Variants in TRIM61 observed in about 807,000 individuals in gnomAD.
The protein encoded by TRIM61 is tripartite motif containing 61.
In TRIM61, 1 loss-of-function variant was observed where a neutral mutation model predicts 14.2. That is an observed-to-expected ratio of 0.07 (90% CI 0.03 to 0.33). The LOEUF is 0.33. Among genes scored for constraint, TRIM61 ranks in the 10% least tolerant of loss-of-function variants. The pLI is 0.99. For missense variants in TRIM61, 19 were observed against 202.2 expected, an observed-to-expected ratio of 0.09 and a Z score of 5.49; for synonymous variants, 8 against 71.6, an observed-to-expected ratio of 0.11 and a Z score of 4.49.
chr4:164,975,784 T>C lies in TRIM61; in HGVS notation c.-338+904A>G, dbSNP rs185023259. Among the ~76,000 whole-genome samples, 632 of 116,498 alleles carry C rather than the reference T, an allele frequency of 5.4e-3. 6 individuals carry two copies. Among genetic ancestry groups the C allele is most frequent in the African/African-American group, 0.017 (601 of 34,924 alleles). 76.4% of individuals were successfully genotyped at this position (116,498 alleles called of 152,430 possible). On this transcript the variant is annotated intron_variant, in intron 2 of 4. Coordinates refer to ENST00000329314, the MANE Select transcript of TRIM61 (RefSeq NM_001012414.3). ...CCTCGTGGGATGAGAAAGACCTGAC[T>C]GTCCCCAGCCTGACACCCGTAAAGG...
At chr4:164,962,127 TGAAGGAGGATAA>T (rs921121295) in intron 3 of TRIM61, among the ~76,000 whole-genome samples, 11 of 152,012 alleles carry the variant, frequency 7.2e-5, no homozygotes, top group Admixed American at 2.6e-4. Flanking sequence ...TTGCAGTGCA[TGAAGGAGGATAA>T]GAAGGAGGAT....
intron 3 of TRIM61, among the ~76,000 whole-genome samples, chr4:164,961,076 A>G (rs1732121883): frequency 6.7e-6 from 1 of 149,756 alleles, no homozygotes; most frequent in Admixed American, 6.7e-5. Flanking sequence ...ACAATGTAAG[A>G]GGACAATAAA....
At chr4:164,961,202 A>C (rs1732130809) in intron 3 of TRIM61, among the ~76,000 whole-genome samples, 1 of 138,638 alleles carries the variant, frequency 7.2e-6, no homozygotes. Flanking sequence ...AAGAAAGAAA[A>C]ATAACAATAA....
At position 164,970,963 on chromosome 4, in the gene TRIM61, T is replaced by A. The variant is rs917285425; in HGVS notation, c.-337-624A>T. Among the ~76,000 whole-genome samples the A allele has an allele frequency of 6.6e-5, 10 of 152,246 alleles. 1 individual carries two copies. Among genetic ancestry groups the A allele is most frequent in the South Asian group, 2.1e-4 (1 of 4,822 alleles). ...AAAGATACAAAAAATTAGCTGGGCA[T>A]GGTGGCATGTGCCTGTAATCCCAGC... On this transcript the variant is annotated intron_variant, in intron 2 of 4. Coordinates refer to ENST00000329314, the MANE Select transcript of TRIM61 (RefSeq NM_001012414.3).
intron 3 of TRIM61, among the ~76,000 whole-genome samples, chr4:164,955,766 GACAC>G (rs1363362563): frequency 6.6e-6 from 1 of 152,002 alleles, no homozygotes; most frequent in Admixed American, 6.5e-5. Context: ...CCACACACAA[GACAC>G]ACACACCCAG....
At chr4:164,961,164 A>AAAAAAAAAAAAAAAAAAAAAG in intron 3 of TRIM61, among the ~76,000 whole-genome samples, 2 of 46,850 alleles carry the variant, frequency 4.3e-5, no homozygotes, top group African/African-American at 2.0e-4. Context: ...AAAAAAAAAA[A>AAAAAAAAAAAAAAAAAAAAAG]AAAAAAAAAA....
chr4:164,970,285 TAA>T lies in TRIM61; in HGVS notation c.-285_-284del. 1 of 323,948 alleles carries T rather than the reference TAA, an allele frequency of 3.1e-6. No individual in the cohort carries two copies. Among genetic ancestry groups the T allele is most frequent in the South Asian group, 4.9e-5 (1 of 20,546 alleles). The allele number at this position is 323,948 out of a possible 1,614,324, so 20.1% of individuals were successfully genotyped here. ...CTGCTGCTCTTCCCACTAAATGAAATAAAGTCAAGTTTTCTTCAAGAAAGCAG... is the reference window on the plus strand; with the variant it reads ...CTGCTGCTCTTCCCACTAAATGAAATAGTCAAGTTTTCTTCAAGAAAGCAG... On this transcript the variant is annotated 5_prime_UTR_variant, in exon 3 of 5. Coordinates refer to ENST00000329314, the MANE Select transcript of TRIM61 (RefSeq NM_001012414.3).
intron 3 of TRIM61, among the ~76,000 whole-genome samples, chr4:164,961,388 A>G (rs1732134112): frequency 6.6e-6 from 1 of 151,784 alleles, no homozygotes; most frequent in Admixed American, 6.5e-5. Context: ...ACTTAGGGAA[A>G]TAATCAGTGA....
At chr4:164,970,413 A>G in intron 2 of TRIM61, 74 bp from the exon 3 acceptor site, 1 of 181,024 alleles carries the variant, frequency 5.5e-6, no homozygotes, top group African/African-American at 2.4e-5. Context: ...AAGAATCATC[A>G]ATGAATGCTA....
rs374991765 is a variant in TRIM61, at chr4:164,970,018, G to C, written c.-16C>G. On this transcript the variant is annotated 5_prime_UTR_variant, in exon 3 of 5. It adds an upstream start codon to the 5' untranslated region. Transcript: ENST00000329314. ...CAAATTCCATTGAGACTTGAACAAA[G>C]ATGGTAGGTAAGGTAATTCTTTTAT... 8.7e-6 allele frequency: 14 copies of C among 1,613,732 alleles called. No individual in the cohort carries two copies. Among genetic ancestry groups the C allele is most frequent in the Non-Finnish European group, 1.2e-5 (14 of 1,179,850 alleles).
intron 3 of TRIM61, chr4:164,956,900 A>G (rs1732003777): frequency 2.0e-6 from 2 of 977,572 alleles, no homozygotes; most frequent in Non-Finnish European, 2.9e-6. Flanking sequence ...CCGTAGCGGA[A>G]GTCGGAGCGG....
intron 3 of TRIM61, among the ~76,000 whole-genome samples, chr4:164,965,197 A>G (rs986449108): frequency 2.0e-5 from 3 of 152,122 alleles, no homozygotes; most frequent in Non-Finnish European, 2.9e-5. Context: ...CTAAGGCGTG[A>G]GAGTCGCTTG....
intron 3 of TRIM61, among the ~76,000 whole-genome samples, chr4:164,965,122 T>C (rs1417132400): frequency 7.2e-5 from 11 of 152,082 alleles, no homozygotes; most frequent in Admixed American, 2.6e-4. Context: ...ACCCCGTCTC[T>C]ACTAAAAATA....
At chr4:164,961,153 CAAAAAAAAAAAAAAAAAAAAA>C (rs762554625) in intron 3 of TRIM61, among the ~76,000 whole-genome samples, 8,710 of 31,376 alleles carry the variant, frequency 0.28, 376 homozygotes, top group East Asian at 0.55. Flanking sequence ...AACTCTCAGG[CAAAAAAAAAAAAAAAAAAAAA>C]AAAAAAAAAA....
chr4:164,967,644 CAA>C (rs1433278377), intron 3 of TRIM61, among the ~76,000 whole-genome samples: 5 of 151,954 alleles, frequency 3.3e-5, no homozygotes, highest in Non-Finnish European at 7.4e-5. Flanking sequence ...GCAATACTAA[CAA>C]AGGCACACAC....
At chr4:164,962,313 C>T (rs1056865615) in intron 3 of TRIM61, among the ~76,000 whole-genome samples, 1 of 151,372 alleles carries the variant, frequency 6.6e-6, no homozygotes, top group South Asian at 2.1e-4. Flanking sequence ...CTCCGCCTCC[C>T]GGGTTCACGC....
intron 3 of TRIM61, among the ~76,000 whole-genome samples, chr4:164,955,510 A>G (rs895607996): frequency 6.8e-6 from 1 of 147,582 alleles, no homozygotes; most frequent in African/African-American, 2.5e-5. Context: ...TTGAGGCTAC[A>G]GTGAGCTACG....
intron 3 of TRIM61, chr4:164,955,129 T>A (rs2111126081): frequency 5.1e-6 from 1 of 197,918 alleles, no homozygotes; most frequent in African/African-American, 2.4e-5. Flanking sequence ...ATTATTATGG[T>A]ATTATAGTAG....
intron 2 of TRIM61, among the ~76,000 whole-genome samples, chr4:164,976,059 G>C (rs528024389): frequency 6.6e-6 from 1 of 152,136 alleles, no homozygotes; most frequent in Non-Finnish European, 1.5e-5. Context: ...TCTGGCTTAC[G>C]TGCACGTCCA....
Sources: gnomAD v4.1 joint callset for allele counts (sites outside exome capture counted in the v4.1 genomes callset) on GRCh38, gnomAD v4.1.1 for gene constraint, MANE v1.5 for transcripts, NCBI Gene and HGNC (gene_info 2026-07-23, HGNC 2026-07-21) for gene names.